Variants in FYN observed in about 807,000 individuals in gnomAD.
FYN encodes the protein FYN proto-oncogene, Src family tyrosine kinase, also known as tyrosine-protein kinase Fyn.
Under a neutral mutation model 70.2 loss-of-function variants are expected in FYN, and 10 were observed. That is an observed-to-expected ratio of 0.14 (90% CI 0.09 to 0.24). FYN has a LOEUF of 0.24. Among genes scored for constraint, FYN ranks in the 10% least tolerant of loss-of-function variants. FYN has a pLI of 1.00. For synonymous variants in FYN, 236 were observed against 248.6 expected, an observed-to-expected ratio of 0.95 and a Z score of 0.48; for missense variants, 319 against 673.1, an observed-to-expected ratio of 0.47 and a Z score of 5.82.
chr6:111,688,371 A>G (rs1204583593), intron 12 of FYN, among the ~76,000 whole-genome samples: 2 of 152,248 alleles, frequency 1.3e-5, no homozygotes, highest in Non-Finnish European at 2.9e-5. Context: ...TCCTGCAGCC[A>G]CAACAGCATT....
intron 4 of FYN, among the ~76,000 whole-genome samples, chr6:111,718,256 T>C (rs1414263896): frequency 1.3e-5 from 2 of 152,150 alleles, no homozygotes; most frequent in Non-Finnish European, 2.9e-5. Flanking sequence ...ACACAGACGT[T>C]GTTCTTGGCC....
chr6:111,839,313 C>T (rs1773282900), intron 2 of FYN, among the ~76,000 whole-genome samples: 1 of 152,072 alleles, frequency 6.6e-6, no homozygotes, highest in Admixed American at 6.5e-5. Context: ...ATTCTGGATC[C>T]CAAGCTATAC....
At chr6:111,853,818 T>G (rs1466492882) in intron 1 of FYN, among the ~76,000 whole-genome samples, 1 of 152,186 alleles carries the variant, frequency 6.6e-6, no homozygotes, top group African/African-American at 2.4e-5. Flanking sequence ...GGAGTTTCAC[T>G]GTGTTGCCCA....
chr6:111,699,603 T>C lies in FYN; in HGVS notation c.862+501A>G, dbSNP rs1321146325. The C allele has an allele frequency of 5.6e-6, 9 of 1,613,982 alleles. No individual in the cohort carries two copies. The Admixed American group carries it at 1.5e-4, about 27-fold the overall frequency. On this transcript the variant is annotated intron_variant, in intron 9 of 13. Coordinates refer to ENST00000354650, the MANE Select transcript of FYN (RefSeq NM_002037.5). ...CAACTTCCCAAGCATCTTTAGCCAA[T>C]CCAGAAGTTTGTGGGGTACAACTCG...
intron 2 of FYN, among the ~76,000 whole-genome samples, chr6:111,827,521 C>T (rs1286279124): frequency 6.6e-6 from 1 of 152,148 alleles, no homozygotes; most frequent in Non-Finnish European, 1.5e-5. Flanking sequence ...CATGTAATGC[C>T]CCCTTTTGGG....
intron 3 of FYN, among the ~76,000 whole-genome samples, chr6:111,778,550 T>A (rs1053933280): frequency 5.9e-5 from 9 of 152,060 alleles, no homozygotes; most frequent in Admixed American, 5.9e-4. Flanking sequence ...TTTCTTTTTT[T>A]CTTTTTTCTT....
intron 2 of FYN, among the ~76,000 whole-genome samples, chr6:111,797,042 T>C (rs1379548501): frequency 6.6e-6 from 1 of 152,220 alleles, no homozygotes; most frequent in African/African-American, 2.4e-5. Context: ...TTTTTAATAA[T>C]GTTGTTTCCA....
intron 13 of FYN, among the ~76,000 whole-genome samples, chr6:111,670,253 C>A (rs1798205602): frequency 6.6e-6 from 1 of 152,192 alleles, no homozygotes; most frequent in African/African-American, 2.4e-5. Flanking sequence ...ATGCTGGCCT[C>A]CTTTGATTCT....
intron 2 of FYN, among the ~76,000 whole-genome samples, chr6:111,821,198 A>T (rs1458524596): frequency 6.6e-6 from 1 of 152,086 alleles, no homozygotes; most frequent in East Asian, 1.9e-4. Flanking sequence ...CCAAAAGAAC[A>T]AAGCTGGAGG....
At chr6:111,745,047 C>T (rs538871760) in intron 3 of FYN, among the ~76,000 whole-genome samples, 34 of 152,276 alleles carry the variant, frequency 2.2e-4, no homozygotes, top group African/African-American at 7.5e-4. Flanking sequence ...ACACAACATT[C>T]TGGTTCTTAT....
intron 2 of FYN, among the ~76,000 whole-genome samples, chr6:111,825,587 C>T (rs1241792890): frequency 6.6e-6 from 1 of 152,174 alleles, no homozygotes; most frequent in Non-Finnish European, 1.5e-5. Flanking sequence ...CACACATGGT[C>T]GTGTGAGGGA....
At chr6:111,862,432 C>T (rs1419218085) in intron 1 of FYN, among the ~76,000 whole-genome samples, 2 of 152,144 alleles carry the variant, frequency 1.3e-5, no homozygotes. Flanking sequence ...AAATCTTGTG[C>T]CACCAGAAAA....
chr6:111,775,130 A>T (rs1236478050), intron 3 of FYN, among the ~76,000 whole-genome samples: 1 of 152,222 alleles, frequency 6.6e-6, no homozygotes, highest in Non-Finnish European at 1.5e-5. Context: ...CCTGGATCCC[A>T]GGTGGGAACT....
At chr6:111,802,791 AT>A (rs530790431) in intron 2 of FYN, among the ~76,000 whole-genome samples, 9,231 of 116,742 alleles carry the variant, frequency 0.079, 702 homozygotes, top group African/African-American at 0.3. Flanking sequence ...AAAAAAAAAA[AT>A]TCATTGGATT....
intron 13 of FYN, among the ~76,000 whole-genome samples, chr6:111,669,368 G>C (rs944141123): frequency 2.8e-5 from 4 of 142,176 alleles, no homozygotes; most frequent in African/African-American, 1.0e-4. Context: ...CCAGGAGGCA[G>C]AGGTTGCAGT....
At chr6:111,805,783 A>G (rs1352318037) in intron 2 of FYN, among the ~76,000 whole-genome samples, 1 of 152,150 alleles carries the variant, frequency 6.6e-6, no homozygotes, top group Non-Finnish European at 1.5e-5. Context: ...CTCTGAAACC[A>G]CTGCTTTTTC....
intron 2 of FYN, among the ~76,000 whole-genome samples, chr6:111,842,498 G>A (rs1773392308): frequency 1.3e-5 from 2 of 152,092 alleles, no homozygotes; most frequent in Non-Finnish European, 2.9e-5. Context: ...ACACGCATTT[G>A]CGCGGTACAC....
At chr6:111,760,995 A>C (rs1185332136) in intron 3 of FYN, among the ~76,000 whole-genome samples, 3 of 152,228 alleles carry the variant, frequency 2.0e-5, no homozygotes, top group Non-Finnish European at 4.4e-5. Flanking sequence ...TATAATTTAA[A>C]AAACTCCACA....
intron 3 of FYN, among the ~76,000 whole-genome samples, chr6:111,744,054 T>C (rs893107403): frequency 6.6e-6 from 1 of 152,210 alleles, no homozygotes; most frequent in African/African-American, 2.4e-5. Flanking sequence ...GCAAATTCTC[T>C]TTCTGCTCCC....
Sources: allele counts gnomAD v4.1 joint callset (sites outside exome capture counted in the v4.1 genomes callset), GRCh38; gene constraint gnomAD v4.1.1; transcripts MANE v1.5; gene names NCBI Gene and HGNC (gene_info 2026-07-23, HGNC 2026-07-21).